Variants in DOCK2 observed in about 807,000 individuals in gnomAD.
DOCK2 encodes dedicator of cytokinesis protein 2.
Under a neutral mutation model 248.9 loss-of-function variants are expected in DOCK2, and 87 were observed. The ratio of observed to expected loss-of-function variants is 0.35; its 90% CI spans 0.29 to 0.42. The LOEUF (loss-of-function observed/expected upper bound fraction) is 0.42, where lower values mean the gene tolerates loss of function less well. DOCK2 is among the 10% of genes least tolerant of loss of function. The pLI is 1.00. For synonymous variants in DOCK2, 805 were observed against 821.6 expected, an observed-to-expected ratio of 0.98 and a Z score of 0.35; for missense variants, 1,747 against 2,300.2, an observed-to-expected ratio of 0.76 and a Z score of 4.92.
intron 29 of DOCK2, among the ~76,000 whole-genome samples, chr5:169,987,215 A>G (rs1019323377): frequency 6.6e-6 from 1 of 152,212 alleles, no homozygotes; most frequent in African/African-American, 2.4e-5. Flanking sequence ...CAACCACAAT[A>G]GAATGAAAAG....
chr5:170,079,256 C>T (rs376649669), intron 49 of DOCK2, 110 bp downstream of exon 49: 56 of 1,411,266 alleles, frequency 4.0e-5, no homozygotes, highest in South Asian at 8.1e-5. Flanking sequence ...CCTGCCACTG[C>T]GGTGCTATGG....
intron 27 of DOCK2, among the ~76,000 whole-genome samples, chr5:169,897,479 G>A (rs748691589): frequency 1.1e-4 from 17 of 152,078 alleles, no homozygotes; most frequent in African/African-American, 3.4e-4. Context: ...GTGAGCCACC[G>A]TACTCGGCCA....
chr5:170,006,890 C>G (rs1056009195), intron 30 of DOCK2, among the ~76,000 whole-genome samples: 1 of 152,164 alleles, frequency 6.6e-6, no homozygotes, highest in Non-Finnish European at 1.5e-5. Flanking sequence ...GATCTTAGCT[C>G]TGCTGTGTAT....
chr5:169,817,852 G>C (rs166368), intron 26 of DOCK2, among the ~76,000 whole-genome samples: 73,216 of 152,088 alleles, frequency 0.48, 19,001 homozygotes, highest in African/African-American at 0.68. Flanking sequence ...AATAATTAAT[G>C]TCCGTGGTTT....
intron 47 of DOCK2, among the ~76,000 whole-genome samples, 181 bp from the exon 48 acceptor site, chr5:170,077,529 G>T (rs534921889): frequency 6.6e-6 from 1 of 152,172 alleles, no homozygotes; most frequent in Non-Finnish European, 1.5e-5. Context: ...CAGGAGTAAA[G>T]GTCATCCACA....
chr5:169,931,269 A>C (rs1235194974), intron 27 of DOCK2, among the ~76,000 whole-genome samples: 3 of 152,228 alleles, frequency 2.0e-5, no homozygotes, highest in Non-Finnish European at 4.4e-5. Flanking sequence ...GGCTTGGCTC[A>C]ACCCAGCCCA....
chr5:170,058,519 G>A (rs901551216), intron 44 of DOCK2, among the ~76,000 whole-genome samples: 2 of 152,306 alleles, frequency 1.3e-5, no homozygotes, highest in South Asian at 2.1e-4. Context: ...TATACTGGCT[G>A]TTGAGGAGAG....
At chr5:169,761,314 G>C in intron 24 of DOCK2, 1 of 532,608 alleles carries the variant, frequency 1.9e-6, no homozygotes, top group Non-Finnish European at 3.4e-6. Context: ...GGTATTTTCA[G>C]ATTTTTACGT....
rs1268535211 is a variant in DOCK2 at position 169,718,510 on chromosome 5, GC to G, written c.2133-146del. 5.3e-6 allele frequency: 4 copies of G among 750,448 alleles called. No homozygotes were observed. The African/African-American group carries it at 7.2e-5, about 14-fold the overall frequency. 46.5% of individuals were successfully genotyped at this position (750,448 alleles called of 1,614,324 possible). The stretch of plus-strand genomic sequence containing the variant: ...TCCCTGTAATAAATATAATTTTTAT[GC>G]AGAGTTATCTTTATGCTTACAAATG... On this transcript the variant is annotated intron_variant, in intron 21 of 51. Coordinates refer to ENST00000520908, the MANE Select transcript of DOCK2 (RefSeq NM_004946.3).
intron 27 of DOCK2, among the ~76,000 whole-genome samples, chr5:169,947,617 C>T (rs1444568877): frequency 1.3e-5 from 2 of 152,208 alleles, no homozygotes; most frequent in Non-Finnish European, 2.9e-5. Context: ...CTCATTATTT[C>T]TTATTCCTCT....
intron 38 of DOCK2, among the ~76,000 whole-genome samples, chr5:170,043,625 C>A (rs1263230303): frequency 6.6e-6 from 1 of 152,170 alleles, no homozygotes; most frequent in Non-Finnish European, 1.5e-5. Context: ...TTATAAATTC[C>A]CAAGGCTCAA....
intron 5 of DOCK2, among the ~76,000 whole-genome samples, chr5:169,672,350 G>T (rs1759094971): frequency 6.6e-6 from 1 of 152,096 alleles, no homozygotes; most frequent in African/African-American, 2.4e-5. Context: ...TACCATTGAA[G>T]CTTGGCATTT....
chr5:170,075,904 C>T, intron 46 of DOCK2, 43 bp from the exon 47 acceptor site: 4 of 1,608,644 alleles, frequency 2.5e-6, no homozygotes, highest in Non-Finnish European at 1.7e-6. Flanking sequence ...GGCTGAGGCC[C>T]ACCGGTCAGC....
intron 1 of DOCK2, among the ~76,000 whole-genome samples, chr5:169,644,876 T>C (rs1285312183): frequency 6.6e-6 from 1 of 152,158 alleles, no homozygotes; most frequent in African/African-American, 2.4e-5. Context: ...CTCCCACTTA[T>C]GAGTGAGAAC....
intron 27 of DOCK2, among the ~76,000 whole-genome samples, chr5:169,962,383 C>T (rs1228210557): frequency 1.3e-5 from 2 of 152,128 alleles, no homozygotes; most frequent in Non-Finnish European, 2.9e-5. Flanking sequence ...CAAAGGTTTC[C>T]ATAGAGGCAA....
At chr5:169,953,746 C>T (rs968117142) in intron 27 of DOCK2, among the ~76,000 whole-genome samples, 3 of 152,168 alleles carry the variant, frequency 2.0e-5, no homozygotes, top group African/African-American at 4.8e-5. Flanking sequence ...CCCTTCTCAA[C>T]CTGCCAGCAC....
intron 27 of DOCK2, among the ~76,000 whole-genome samples, chr5:169,854,188 A>ATT (rs149299629): frequency 8.1e-5 from 11 of 136,538 alleles, no homozygotes; most frequent in South Asian, 4.7e-4. Context: ...TTACTGAAAC[A>ATT]TTTTTTTTTT....
At chr5:169,885,955 G>T (rs1359175526) in intron 27 of DOCK2, among the ~76,000 whole-genome samples, 1 of 152,144 alleles carries the variant, frequency 6.6e-6, no homozygotes, top group Non-Finnish European at 1.5e-5. Context: ...CAGTAGAGGA[G>T]CTAGAATTTG....
At chr5:169,939,285 G>A (rs1246904227) in intron 27 of DOCK2, among the ~76,000 whole-genome samples, 1 of 151,564 alleles carries the variant, frequency 6.6e-6, no homozygotes, top group Non-Finnish European at 1.5e-5. Flanking sequence ...TCTACACAGG[G>A]TCAGGACCCT....
Sources: allele counts gnomAD v4.1 joint callset (sites outside exome capture counted in the v4.1 genomes callset), GRCh38; gene constraint gnomAD v4.1.1; transcripts MANE v1.5; gene names NCBI Gene and HGNC (gene_info 2026-07-23, HGNC 2026-07-21).